The following SLC19A1 variants were observed in gnomAD, a reference collection of about 807,000 sequenced individuals.
The protein encoded by SLC19A1 is reduced folate transporter.
In SLC19A1, 37 loss-of-function variants were observed where a neutral mutation model predicts 35.3. The observed-to-expected ratio is 1.05, with a 90% CI of 0.81 to 1.38. The LOEUF (loss-of-function observed/expected upper bound fraction) is 1.38, where lower values mean the gene tolerates loss of function less well. Among genes scored for constraint, SLC19A1 ranks in the 40% most tolerant of loss-of-function variants. The pLI is 0.00. For missense variants in SLC19A1, 831 were observed against 826.9 expected, an observed-to-expected ratio of 1.00 and a Z score of -0.06; for synonymous variants, 460 against 398.5, an observed-to-expected ratio of 1.15 and a Z score of -1.84.
Position 45,555,331 on chromosome 21 carries a change from G to GGCGGGGGT in SLC19A1, c.-50+7410_-50+7411insACCCCCGC, listed in dbSNP as rs2146507195. ...CGGGGGCGGCGGGGGGCGGCGGGGGGCGGCGGGGGCGGCAGCGCTGCAGGT... is the reference window on the plus strand; with the variant it reads ...CGGGGGCGGCGGGGGGCGGCGGGGGGGCGGGGGTCGGCGGGGGCGGCAGCGCTGCAGGT... On this transcript the variant is annotated intron_variant, in intron 1 of 5. Coordinates refer to the SLC19A1 transcript ENST00000650808. Among the ~76,000 whole-genome samples, 2 of 21,028 alleles carry GGCGGGGGT rather than the reference G, an allele frequency of 9.5e-5. 1 individual carries two copies. Among genetic ancestry groups the GGCGGGGGT allele is most frequent in the South Asian group, 4.2e-3 (2 of 480 alleles). The allele number at this position is 21,028 out of a possible 152,430, so 13.8% of individuals were successfully genotyped here.
intron 1 of SLC19A1, among the ~76,000 whole-genome samples, chr21:45,555,432 G>A (rs2078549404): frequency 9.4e-6 from 1 of 106,678 alleles, no homozygotes; most frequent in Admixed American, 8.8e-5. Flanking sequence ...GCCGTGGGGG[G>A]TGTTGGGGGC....
chr21:45,511,080 C>CAA (rs758712533), downstream of SLC19A1: 1 of 1,063,048 alleles, frequency 9.4e-7, no homozygotes, highest in Non-Finnish European at 1.3e-6. Flanking sequence ...CCCCACACAC[C>CAA]ACACACACAT....
chr21:45,548,301 G>A (rs915529465), upstream of SLC19A1, among the ~76,000 whole-genome samples: 3 of 152,222 alleles, frequency 2.0e-5, no homozygotes, highest in African/African-American at 4.8e-5. Flanking sequence ...TGTCAAACTT[G>A]TAGATCTGTG....
chr21:45,521,115 C>T (rs1243263281), intron 5 of SLC19A1, among the ~76,000 whole-genome samples: 1 of 152,010 alleles, frequency 6.6e-6, no homozygotes, highest in South Asian at 2.1e-4. Flanking sequence ...ATGCCAACTG[C>T]AAGCCAAGAA....
downstream of SLC19A1, chr21:45,511,181 G>A (rs757116735): frequency 8.1e-6 from 13 of 1,600,016 alleles, no homozygotes; most frequent in South Asian, 2.3e-5. Context: ...CCCGGGGCAC[G>A]CATCTTCTCC....
intron 2 of SLC19A1, among the ~76,000 whole-genome samples, chr21:45,532,587 C>T (rs973273862): frequency 6.6e-6 from 1 of 150,760 alleles, no homozygotes; most frequent in Non-Finnish European, 1.5e-5. Flanking sequence ...GTGCGTACCA[C>T]CATGTCTGGC....
In SLC19A1 at chr21:45,514,262, C is replaced by CG. The variant is rs1555877857; in HGVS notation, c.*1395_*1396insC. ...CCAGGAAATGGCTGGTGCAGACCCCCCCCCAAGCAGGGTCCCCAGGGTGGC... is the reference window on the plus strand; with the variant it reads ...CCAGGAAATGGCTGGTGCAGACCCCCGCCCCAAGCAGGGTCCCCAGGGTGGC... On this transcript the variant is annotated 3_prime_UTR_variant, in exon 6 of 6. Coordinates refer to ENST00000311124, the MANE Select transcript of SLC19A1 (RefSeq NM_194255.4). 6.6e-6 allele frequency: 1 copy of CG among 152,020 alleles called. No homozygotes were observed. The highest frequency in any genetic ancestry group is 1.5e-5 in the Non-Finnish European group (1 of 68,136). 9.4% of individuals were successfully genotyped at this position (152,020 alleles called of 1,614,324 possible).
chr21:45,503,966 G>C (rs544837725), intron 3 of SLC19A1: 11 of 1,612,572 alleles, frequency 6.8e-6, no homozygotes, highest in Non-Finnish European at 9.3e-6. Flanking sequence ...ACCCGGCGCT[G>C]TCAGACACCA....
At position 45,530,674 on chromosome 21, in the gene SLC19A1, G is replaced by A. The variant is rs1008445785; in HGVS notation, c.1151+96C>T. On this transcript the variant is annotated intron_variant, in intron 4 of 5. Coordinates refer to ENST00000311124, the MANE Select transcript of SLC19A1 (RefSeq NM_194255.4). The surrounding 1 kb of genome is among the most constrained non-coding windows in gnomAD (Gnocchi z 5.3). ...TGGCGGGGCCAGCAGTGGCACAGCC[G>A]CTGGGGCGCAGCAGGAAGGTGGGAG... 2.7e-5 allele frequency: 35 copies of A among 1,313,588 alleles called. No homozygotes were observed. Among genetic ancestry groups the A allele is most frequent in the Admixed American group, 2.3e-5 (1 of 43,704 alleles). 81.4% of individuals were successfully genotyped at this position (1,313,588 alleles called of 1,614,324 possible).
intron 4 of SLC19A1, among the ~76,000 whole-genome samples, chr21:45,526,245 A>G (rs561075509): frequency 2.0e-5 from 3 of 152,226 alleles, no homozygotes; most frequent in Non-Finnish European, 4.4e-5. Flanking sequence ...TGGGGCCAGT[A>G]GTTTTGGATT....
chr21:45,503,169 T>A (rs1391848320), intron 3 of SLC19A1, among the ~76,000 whole-genome samples: 2 of 152,212 alleles, frequency 1.3e-5, no homozygotes, highest in African/African-American at 4.8e-5. Context: ...ATGGTTGAAC[T>A]AGTTTACAGT....
At chr21:45,520,907 C>G (rs1015200407) in intron 5 of SLC19A1, among the ~76,000 whole-genome samples, 3 of 152,010 alleles carry the variant, frequency 2.0e-5, no homozygotes, top group East Asian at 3.9e-4. Flanking sequence ...GTAATCCCAG[C>G]TACTTGGGAG....
intron 5 of SLC19A1, among the ~76,000 whole-genome samples, chr21:45,523,604 G>A (rs2077503803): frequency 6.6e-6 from 1 of 152,200 alleles, no homozygotes; most frequent in African/African-American, 2.4e-5. Context: ...CACGCACAGA[G>A]TCCCTAAAGA....
At chr21:45,524,203 C>A (rs2077528222) in intron 5 of SLC19A1, among the ~76,000 whole-genome samples, 1 of 98,940 alleles carries the variant, frequency 1.0e-5, no homozygotes, top group South Asian at 4.4e-4. Context: ...CTTGGAGGCT[C>A]ACCTGCCCTG....
chr21:45,537,789 CTT>C lies in SLC19A1; in HGVS notation c.169_170del (p.Lys57GlufsTer336), dbSNP rs760735310. On this transcript the variant is annotated frameshift_variant, in exon 2 of 6. Coordinates refer to ENST00000311124, the MANE Select transcript of SLC19A1 (RefSeq NM_194255.4). LOFTEE classifies it high-confidence loss of function. ...FITPYLLGPD[K>X]NFTREQVTNE... ...CACATGCCTGCTCCCGCGTGAAGTT[CTT>C]GTCGGGCCCCAGGAGGTAGGGGGTG... 6.9e-7 allele frequency: 1 copy of C among 1,458,952 alleles called. No homozygotes were observed. Among genetic ancestry groups the C allele is most frequent in the East Asian group, 3.0e-5 (1 of 32,998 alleles). 90.4% of individuals were successfully genotyped at this position (1,458,952 alleles called of 1,614,324 possible).
chr21:45,540,356 C>T lies in SLC19A1; in HGVS notation c.-50+2012G>A, dbSNP rs1281679357. Among the ~76,000 whole-genome samples, 3 of 152,156 alleles carry T rather than the reference C, an allele frequency of 2.0e-5. No homozygotes were observed. Among genetic ancestry groups the T allele is most frequent in the South Asian group, 2.1e-4 (1 of 4,824 alleles). ...CTGAACTAAGCCCAGGGTCTGCGCC[C>T]ACAGTCCATGGCCGCAGGAGTCAGA... is the stretch of plus-strand genomic sequence containing the variant. On this transcript the variant is annotated intron_variant, in intron 1 of 5. Transcript: ENST00000311124. The surrounding 1 kb of genome is among the most constrained non-coding windows in gnomAD (Gnocchi z 5.5).
At chr21:45,511,497 C>T (rs2037606486), downstream of SLC19A1, among the ~76,000 whole-genome samples, 1 of 152,106 alleles carries the variant, frequency 6.6e-6, no homozygotes. Context: ...TCCATGTCTC[C>T]CGGATGTCAC....
chr21:45,515,487 C>T lies in SLC19A1; in HGVS notation c.*171G>A, dbSNP rs2037861424. On this transcript the variant is annotated 3_prime_UTR_variant, in exon 6 of 6. Coordinates refer to ENST00000311124, the MANE Select transcript of SLC19A1 (RefSeq NM_194255.4). ...GGCCAGGCAGCTGCCCTGAGTGTCG[C>T]CAGCACGCTGTGGCCACCGCCAGAG... 6.7e-7 allele frequency: 1 copy of T among 1,503,306 alleles called. No individual in the cohort carries two copies. Among genetic ancestry groups the T allele is most frequent in the East Asian group, 2.3e-5 (1 of 44,072 alleles). The allele number at this position is 1,503,306 out of a possible 1,614,324, so 93.1% of individuals were successfully genotyped here.
At chr21:45,538,111 A>C in intron 1 of SLC19A1, 103 bp from the exon 2 acceptor site, 1 of 619,880 alleles carries the variant, frequency 1.6e-6, no homozygotes, top group Non-Finnish European at 2.7e-6. Flanking sequence ...CTCAGGACCA[A>C]ACGCCACCCT....
Sources: allele counts gnomAD v4.1 joint callset (sites outside exome capture counted in the v4.1 genomes callset), GRCh38; gene constraint gnomAD v4.1.1; non-coding constraint Gnocchi (gnomAD v3.1); transcripts MANE v1.5; gene names NCBI Gene and HGNC (gene_info 2026-07-23, HGNC 2026-07-21).